Variants in PEX1 observed in about 807,000 individuals in gnomAD.
The protein encoded by PEX1 is peroxisomal biogenesis factor 1.
Under a neutral mutation model 152.5 loss-of-function variants are expected in PEX1, and 97 were observed. The ratio of observed to expected loss-of-function variants is 0.64; its 90% confidence interval spans 0.54 to 0.75. The LOEUF (loss-of-function observed/expected upper bound fraction) is 0.75, where lower values mean the gene tolerates loss of function less well. Ranked by LOEUF, PEX1 falls within the 30% of genes least tolerant of loss-of-function variation. PEX1 has a pLI of 0.00. For missense variants in PEX1, 1,357 were observed against 1,516.3 expected (o/e 0.89, Z 1.74); for synonymous variants, 485 against 531.6 (o/e 0.91, Z 1.21).
intron 10 of PEX1, 118 bp from the exon 11 acceptor site, chr7:92,506,462 A>G: frequency 1.4e-6 from 1 of 728,860 alleles, no homozygotes; most frequent in Non-Finnish European, 2.5e-6. Flanking sequence ...CCAAAAAAAC[A>G]AAAGAAGAGG....
At chr7:92,528,268 C>G (rs1270695437) in intron 1 of PEX1, 39 bp downstream of exon 1, 7 of 1,547,240 alleles carry the variant, frequency 4.5e-6, no homozygotes, top group Non-Finnish European at 6.1e-6. Context: ...TCGTCCGACC[C>G]CAGGCTGAAG....
chr7:92,526,887 TTTC>T (rs1793290509), intron 1 of PEX1, among the ~76,000 whole-genome samples: 2 of 152,210 alleles, frequency 1.3e-5, no homozygotes, highest in Admixed American at 6.5e-5. Flanking sequence ...GGTAACTTAT[TTTC>T]TTGTTAATAA....
intron 5 of PEX1, among the ~76,000 whole-genome samples, chr7:92,516,186 G>A (rs887926667): frequency 1.3e-5 from 2 of 152,156 alleles, no homozygotes; most frequent in African/African-American, 4.8e-5. Flanking sequence ...AGCACTTTGG[G>A]AGGCCGAGGC....
At position 92,518,161 on chromosome 7, in the gene PEX1, G is replaced by A. The variant is rs202057710; in HGVS notation, c.452C>T (p.Thr151Met). Residue 151 changes from threonine to methionine, a missense_variant, in exon 4 of 24, where the codon ACG becomes ATG. Transcript: ENST00000248633. The part of the protein sequence containing the change: ...AIFPVWVDQQ[T>M]YIFIQIVALI... ...CCTACCAATTTGGATAAATATGTAC[G>A]TTTGTTGATCAACCCAAACAGGAAA... 1.3e-5 allele frequency: 21 copies of A among 1,610,932 alleles called. No individual in the cohort carries two copies. The highest frequency in any genetic ancestry group is 2.2e-5 in the South Asian group (2 of 91,022).
In PEX1 at chr7:92,492,990, T is replaced by C; in HGVS notation, c.3170A>G (p.Glu1057Gly). The change falls in exon 20 of 24, where the codon GAG (glutamate) becomes GGG (glycine). Residue 1057 changes from glutamate (E) to glycine (G), a missense_variant. Glu to Gly is a moderately conservative substitution (Grantham distance 98). Coordinates refer to ENST00000248633, the MANE Select transcript of PEX1 (RefSeq NM_000466.3). The part of the protein sequence containing the change: ...LKALLYNAQL[E>G]ALHGMLLSSG... Reference sequence around the variant, plus strand: ...CGAGAGCAGCATTCCATGTAAGGCCTCCAATTGGGCATTGTAAAGTAAAGC... The same window carrying C: ...CGAGAGCAGCATTCCATGTAAGGCCCCCAATTGGGCATTGTAAAGTAAAGC... 1 of 1,613,856 alleles carries C rather than the reference T, an allele frequency of 6.2e-7. No individual in the cohort carries two copies. The highest frequency in any genetic ancestry group is 8.5e-7 in the Non-Finnish European group (1 of 1,179,798).
intron 7 of PEX1, 50 bp downstream of exon 7, chr7:92,511,530 T>C (rs763742021): frequency 1.4e-6 from 2 of 1,432,596 alleles, no homozygotes; most frequent in South Asian, 1.2e-5. Context: ...CAATTAAAAA[T>C]GTACAACTAT....
At chr7:92,514,672 C>T (rs1482370626) in intron 5 of PEX1, among the ~76,000 whole-genome samples, 1 of 152,110 alleles carries the variant, frequency 6.6e-6, no homozygotes, top group African/African-American at 2.4e-5. Flanking sequence ...TCTCCCACCC[C>T]CTAATGAAAA....
chr7:92,503,525 G>C (rs916765131), intron 12 of PEX1, among the ~76,000 whole-genome samples: 1 of 152,160 alleles, frequency 6.6e-6, no homozygotes, highest in Non-Finnish European at 1.5e-5. Flanking sequence ...TATTCTGGAA[G>C]GGTGATAAAT....
In PEX1 at chr7:92,491,295, C is replaced by G. The variant is rs1300789902; in HGVS notation, c.3415G>C (p.Gly1139Arg). 1 of 1,611,360 alleles carries G rather than the reference C, an allele frequency of 6.2e-7. No homozygotes were observed. Among genetic ancestry groups the G allele is most frequent in the Non-Finnish European group, 8.5e-7 (1 of 1,177,658 alleles). The change falls in exon 21 of 24, where the codon GGA becomes CGA. Residue 1139 changes from glycine to arginine, a missense_variant. Gly to Arg is a moderately radical substitution (Grantham distance 125). Transcript: ENST00000248633. ...ACCAAATCAGAAGAGGTTCCATTTC[C>G]AAGTTCTGATTCATAAGAGCTTCCA... ...YFGSSYESEL[G>R]NGTSSDLSSQ... is the part of the protein sequence containing the mutation.
Position 92,491,388 on chromosome 7 carries a change from G to T in PEX1, c.3322C>A (p.Leu1108Ile), listed in dbSNP as rs773890169. The change falls in exon 21 of 24, where the codon CTT becomes ATT. Residue 1108 changes from leucine to isoleucine, a missense_variant. Coordinates refer to ENST00000248633, the MANE Select transcript of PEX1 (RefSeq NM_000466.3). ...ATCTCGGACATCTCTAAAGAAACAAGGGACTGATCTAAGCCACATTCTCCA... is the reference window on the plus strand; with the variant it reads ...ATCTCGGACATCTCTAAAGAAACAATGGACTGATCTAAGCCACATTCTCCA... Reference protein sequence around the residue: ...GDGECGLDQSLVSLEMSEILP... With the variant: ...GDGECGLDQSIVSLEMSEILP... 3.7e-6 allele frequency: 6 copies of T among 1,613,468 alleles called. No individual in the cohort carries two copies. Among genetic ancestry groups the T allele is most frequent in the Non-Finnish European group, 8.5e-7 (1 of 1,179,442 alleles).
intron 16 of PEX1, 139 bp downstream of exon 16, chr7:92,499,565 A>C: frequency 2.8e-6 from 2 of 708,976 alleles, no homozygotes; most frequent in Non-Finnish European, 4.9e-6. Flanking sequence ...GGAATGAAAA[A>C]GTTTTGAAAT....
At chr7:92,527,853 C>G (rs1793358656) in intron 1 of PEX1, among the ~76,000 whole-genome samples, 1 of 152,272 alleles carries the variant, frequency 6.6e-6, no homozygotes, top group South Asian at 2.1e-4. Flanking sequence ...ATTAACCTTT[C>G]CCGCTCATGG....
At chr7:92,499,022 G>A (rs1473543004) in intron 16 of PEX1, among the ~76,000 whole-genome samples, 5 of 152,144 alleles carry the variant, frequency 3.3e-5, no homozygotes, top group South Asian at 2.1e-4. Flanking sequence ...TAGATGGATC[G>A]CTGCTCCCAC....
At chr7:92,493,822 G>T in intron 19 of PEX1, 1 of 189,632 alleles carries the variant, frequency 5.3e-6, no homozygotes, top group East Asian at 1.3e-4. Context: ...CTATTCATTT[G>T]TCTATCTGTT....
intron 13 of PEX1, among the ~76,000 whole-genome samples, chr7:92,502,614 T>C (rs1791986267): frequency 6.6e-6 from 1 of 152,206 alleles, no homozygotes; most frequent in African/African-American, 2.4e-5. Flanking sequence ...TTAGGGTAGA[T>C]GCTAGGTGAA....
chr7:92,491,410 T>A lies in PEX1; in HGVS notation c.3300A>T (p.Gly1100=), dbSNP rs760387676. The part of the protein sequence containing the change: ...SSGSDDSAGD[G]ECGLDQSLVS... Reference sequence around the variant, plus strand: ...CAAGGGACTGATCTAAGCCACATTCTCCATCTCCAGCTGAATCGTCAGAGC... The same window carrying A: ...CAAGGGACTGATCTAAGCCACATTCACCATCTCCAGCTGAATCGTCAGAGC... The change falls in exon 21 of 24, where the codon GGA becomes GGT. Residue 1100 remains glycine (G), a synonymous_variant. Coordinates refer to ENST00000248633, the MANE Select transcript of PEX1 (RefSeq NM_000466.3). 1.2e-6 allele frequency: 2 copies of A among 1,613,640 alleles called. No homozygotes were observed. Among genetic ancestry groups the A allele is most frequent in the Admixed American group, 3.3e-5 (2 of 60,028 alleles).
chr7:92,509,295 T>C (rs1256710664), intron 9 of PEX1, 34 bp downstream of exon 9: 1 of 1,391,100 alleles, frequency 7.2e-7, no homozygotes, highest in Non-Finnish European at 1.0e-6. Flanking sequence ...GTTAAAAACA[T>C]GTCTAACATG....
rs190190301 is a variant in PEX1 at position 92,489,535 on chromosome 7, T to C, written c.3637-112A>G. 475 of 1,085,728 alleles carry C rather than the reference T, an allele frequency of 4.4e-4. 2 individuals are homozygous for C. Among genetic ancestry groups the C allele is most frequent in the African/African-American group, 4.4e-3 (280 of 64,168 alleles). The allele number at this position is 1,085,728 out of a possible 1,614,324, so 67.3% of individuals were successfully genotyped here. ...TTTTTTCAAGAGACCATACGTTCTC[T>C]TCCTTATAAGATAATGAAACATTGA... On this transcript the variant is annotated intron_variant, in intron 22 of 23. Transcript: ENST00000248633.
In PEX1 at chr7:92,518,048, T is replaced by C; in HGVS notation, c.473-6A>G. ...GGCAGCTGGTATTAGTGCAACTGTG[T>C]AGAAAATAAAGCTCATTAGTGCACA... On this transcript the variant is annotated splice_polypyrimidine_tract_variant and splice_region_variant and intron_variant, in intron 4 of 23. Coordinates refer to ENST00000248633, the MANE Select transcript of PEX1 (RefSeq NM_000466.3). 1 of 1,614,148 alleles carries C rather than the reference T, an allele frequency of 6.2e-7. No individual in the cohort carries two copies. The highest frequency in any genetic ancestry group is 8.5e-7 in the Non-Finnish European group (1 of 1,179,978).
Sources: gnomAD v4.1 joint callset for allele counts (sites outside exome capture counted in the v4.1 genomes callset) on GRCh38, gnomAD v4.1.1 for gene constraint, MANE v1.5 for transcripts, NCBI Gene and HGNC (gene_info 2026-07-23, HGNC 2026-07-21) for gene names.